The following CYRIB variants were observed in gnomAD, a reference collection of about 807,000 sequenced individuals.
CYRIB encodes CYFIP-related Rac1 interactor B.
CYRIB carries 8 observed loss-of-function variants against 44.2 expected under a neutral mutation model. The observed-to-expected ratio is 0.18, with a 90% CI of 0.11 to 0.33. The LOEUF (loss-of-function observed/expected upper bound fraction) is 0.33, where lower values mean the gene tolerates loss of function less well. Among genes scored for constraint, CYRIB ranks in the 10% least tolerant of loss-of-function variants. The probability of loss-of-function intolerance (pLI) is 1.00; values close to 1 mark genes in which losing one functional copy is unlikely to be tolerated. For synonymous variants in CYRIB, 131 were observed against 127.2 expected, an observed-to-expected ratio of 1.03 and a Z score of -0.20; for missense variants, 185 against 382.8, an observed-to-expected ratio of 0.48 and a Z score of 4.31.
chr8:129,855,328 T>C (rs976999036), intron 6 of CYRIB, among the ~76,000 whole-genome samples: 2 of 151,076 alleles, frequency 1.3e-5, no homozygotes, highest in Admixed American at 6.6e-5. Flanking sequence ...GAGGGAGAGG[T>C]TGCAGTGAGC....
In CYRIB at chr8:129,898,651, C is replaced by G. The variant is rs183022350; in HGVS notation, c.-11+4661G>C. ...TAAAATTAAAATCATTCTCTTAAATCTATCTCCTCCAGGCTTATCATAACC... is the reference window on the plus strand; with the variant it reads ...TAAAATTAAAATCATTCTCTTAAATGTATCTCCTCCAGGCTTATCATAACC... On this transcript the variant is annotated intron_variant, in intron 2 of 11. Transcript: ENST00000519824. 4.7e-4 allele frequency among the ~76,000 whole-genome samples: 71 copies of G among 152,270 alleles called. No individual in the cohort carries two copies. The South Asian group carries it at 0.01, about 22-fold the overall frequency.
intron 11 of CYRIB, 33 bp from the exon 14 acceptor site, chr8:129,842,238 G>A: frequency 6.7e-7 from 1 of 1,503,204 alleles, no homozygotes; most frequent in Non-Finnish European, 9.2e-7. Context: ...ATCAATTTTA[G>A]GAACTTAAAA....
At chr8:129,847,820 G>C (rs1255125998) in intron 10 of CYRIB, among the ~76,000 whole-genome samples, 1 of 152,116 alleles carries the variant, frequency 6.6e-6, no homozygotes, top group Admixed American at 6.6e-5. Context: ...TTTTATTTTT[G>C]AGATGGAGTC....
intron 3 of CYRIB, 60 bp downstream of exon 5, chr8:129,879,329 T>C: frequency 3.6e-6 from 4 of 1,099,420 alleles, no homozygotes; most frequent in Middle Eastern, 2.0e-4. Flanking sequence ...ATTCATTTAG[T>C]GCAAGACAAA....
At chr8:129,869,233 A>G (rs571227944) in intron 4 of CYRIB, among the ~76,000 whole-genome samples, 1 of 151,686 alleles carries the variant, frequency 6.6e-6, no homozygotes, top group Admixed American at 6.6e-5. Flanking sequence ...TAAAAATACA[A>G]AAATTAGCTG....
intron 1 of CYRIB, chr8:129,939,482 G>C (rs1043581587): frequency 6.6e-6 from 1 of 151,966 alleles, no homozygotes; most frequent in African/African-American, 2.4e-5. Context: ...AGCGCGCCTG[G>C]AAAGGAGGAA....
chr8:129,902,096 G>A (rs568202904), intron 2 of CYRIB, among the ~76,000 whole-genome samples: 4 of 152,262 alleles, frequency 2.6e-5, no homozygotes, highest in African/African-American at 4.8e-5. Flanking sequence ...AAAAATACTC[G>A]TTAAGAACCT....
chr8:129,885,984 C>T (rs547916169), intron 2 of CYRIB, among the ~76,000 whole-genome samples: 38 of 152,276 alleles, frequency 2.5e-4, no homozygotes, highest in Non-Finnish European at 4.6e-4. Flanking sequence ...AGTAACCATA[C>T]ACCCACCCTC....
chr8:129,997,207 C>T (rs935481966), intron 1 of CYRIB, among the ~76,000 whole-genome samples: 1 of 151,984 alleles, frequency 6.6e-6, no homozygotes, highest in Non-Finnish European at 1.5e-5. Context: ...ACCCAGGGAA[C>T]ATGGTCTATT....
intron 2 of CYRIB, among the ~76,000 whole-genome samples, chr8:129,891,673 A>G (rs2065474373): frequency 6.6e-6 from 1 of 152,226 alleles, no homozygotes; most frequent in East Asian, 1.9e-4. Flanking sequence ...CAATGGATTA[A>G]AAATTGGGAG....
chr8:129,933,262 C>T (rs1172077512), intron 1 of CYRIB, among the ~76,000 whole-genome samples: 1 of 152,138 alleles, frequency 6.6e-6, no homozygotes, highest in Non-Finnish European at 1.5e-5. Flanking sequence ...TCTGCTCCTA[C>T]CCCCAAACTC....
intron 2 of CYRIB, among the ~76,000 whole-genome samples, chr8:129,959,919 C>T (rs917288717): frequency 3.3e-5 from 5 of 152,126 alleles, no homozygotes; most frequent in Admixed American, 6.6e-5. Flanking sequence ...TTTTCTCTCA[C>T]GACTATGAAG....
chr8:129,928,000 T>C (rs567951347), intron 1 of CYRIB, among the ~76,000 whole-genome samples: 16 of 152,078 alleles, frequency 1.1e-4, no homozygotes, highest in African/African-American at 2.9e-4. Flanking sequence ...AAATGGATCA[T>C]AGACCTAAAT....
intron 2 of CYRIB, among the ~76,000 whole-genome samples, chr8:129,901,029 C>T (rs1438191820): frequency 1.3e-5 from 2 of 152,228 alleles, no homozygotes; most frequent in African/African-American, 4.8e-5. Flanking sequence ...CAGGCACTCG[C>T]CAAGGCTTAA....
intron 2 of CYRIB, among the ~76,000 whole-genome samples, chr8:129,955,372 A>T (rs890991419): frequency 1.3e-5 from 2 of 152,066 alleles, no homozygotes; most frequent in Non-Finnish European, 1.5e-5. Flanking sequence ...CGGTCACAAC[A>T]CTAAGCTGCT....
chr8:129,875,399 T>TA lies in CYRIB; in HGVS notation c.74-3904dup, dbSNP rs547205179. 3.2e-3 allele frequency among the ~76,000 whole-genome samples: 486 copies of TA among 151,990 alleles called. 4 individuals carry two copies. Among genetic ancestry groups the TA allele is most frequent in the African/African-American group, 0.011 (470 of 41,456 alleles). On this transcript the variant is annotated intron_variant, in intron 3 of 11. Transcript: ENST00000519824. ...TAAAAAATTTTTTTTTTCATACAGA[T>TA]AGAGTCTTGCCATGTTGCCCAGACT...
intron 1 of CYRIB, among the ~76,000 whole-genome samples, chr8:129,984,406 T>G (rs1255776589): frequency 6.6e-6 from 1 of 152,094 alleles, no homozygotes; most frequent in Non-Finnish European, 1.5e-5. Context: ...ACCTGGCACT[T>G]AGGAAGCCCA....
intron 1 of CYRIB, among the ~76,000 whole-genome samples, chr8:129,917,431 C>A (rs1254178580): frequency 6.6e-6 from 1 of 151,978 alleles, no homozygotes; most frequent in East Asian, 1.9e-4. Context: ...TTAGAATAAT[C>A]CTTCTAATGC....
chr8:129,972,450 G>C (rs1265871876), intron 1 of CYRIB, among the ~76,000 whole-genome samples: 1 of 152,034 alleles, frequency 6.6e-6, no homozygotes, highest in Non-Finnish European at 1.5e-5. Flanking sequence ...GGTGGCACAT[G>C]CCTGTAGTCC....
Sources: gnomAD v4.1 joint callset for allele counts (sites outside exome capture counted in the v4.1 genomes callset) on GRCh38, gnomAD v4.1.1 for gene constraint, MANE v1.5 for transcripts, NCBI Gene and HGNC (gene_info 2026-07-23, HGNC 2026-07-21) for gene names.